CDCP1: variants seen among roughly 807,000 people sequenced by gnomAD.
CDCP1 encodes the protein CUB domain-containing protein 1.
Under a neutral mutation model 60.2 loss-of-function variants are expected in CDCP1, and 29 were observed. That is an observed-to-expected ratio of 0.48 (90% CI 0.36 to 0.66). The LOEUF is 0.66. CDCP1 is among the 30% of genes least tolerant of loss of function. The pLI, the probability that CDCP1 is intolerant of heterozygous loss-of-function variation, is 0.00. For missense variants in CDCP1, 876 were observed against 1,074.3 expected (o/e 0.82, Z 2.58); for synonymous variants, 387 against 431.1 (o/e 0.90, Z 1.27).
intron 1 of CDCP1, among the ~76,000 whole-genome samples, chr3:45,126,484 T>C (rs991994038): frequency 6.6e-6 from 1 of 152,060 alleles, no homozygotes; most frequent in African/African-American, 2.4e-5. Flanking sequence ...CCTAAAGGCA[T>C]AGAGAGACAA....
intron 4 of CDCP1, among the ~76,000 whole-genome samples, chr3:45,103,979 C>T (rs1432101424): frequency 6.6e-6 from 1 of 152,224 alleles, no homozygotes; most frequent in Non-Finnish European, 1.5e-5. Flanking sequence ...CCAGACAATT[C>T]TCCCAGGTGG....
intron 1 of CDCP1, among the ~76,000 whole-genome samples, chr3:45,119,671 TTC>T (rs1190874125): frequency 6.6e-6 from 1 of 152,258 alleles, no homozygotes; most frequent in African/African-American, 2.4e-5. Context: ...TTCCCATCTA[TTC>T]TTTTTTCCCT....
At chr3:45,126,114 C>CTTTCCTTCTTTCTTTA (rs1698981067) in intron 1 of CDCP1, among the ~76,000 whole-genome samples, 3 of 102,818 alleles carry the variant, frequency 2.9e-5, no homozygotes, top group Non-Finnish European at 5.7e-5. Context: ...CTCTCTCTTT[C>CTTTCCTTCTTTCTTTA]TTTCTTTCTT....
At chr3:45,140,130 G>T (rs552007200) in intron 1 of CDCP1, among the ~76,000 whole-genome samples, 3 of 152,338 alleles carry the variant, frequency 2.0e-5, no homozygotes, top group African/African-American at 7.2e-5. Flanking sequence ...ACATTGCCAA[G>T]AATTGAAGAA....
intron 1 of CDCP1, among the ~76,000 whole-genome samples, chr3:45,136,840 G>A (rs888080420): frequency 1.3e-5 from 2 of 152,260 alleles, no homozygotes; most frequent in East Asian, 1.9e-4. Context: ...GCAAAACTAC[G>A]GTGACAGAAG....
rs542898107 is a variant in CDCP1 at position 45,109,284 on chromosome 3, A to G, written c.1024+1189T>C. Among the ~76,000 whole-genome samples, 8 of 152,016 alleles carry G rather than the reference A, an allele frequency of 5.3e-5. No individual in the cohort carries two copies. In the South Asian group the frequency reaches 1.7e-3, roughly 32 times the overall value. On this transcript the variant is annotated intron_variant, in intron 4 of 8. Transcript: ENST00000296129. Reference sequence around the variant, plus strand: ...ATATCTATACACACATTATACATACATACATATGGACGTTTCCAGGGCAGC... The same window carrying G: ...ATATCTATACACACATTATACATACGTACATATGGACGTTTCCAGGGCAGC...
intron 2 of CDCP1, among the ~76,000 whole-genome samples, chr3:45,115,226 GGGGGT>G (rs1698763787): frequency 6.7e-6 from 1 of 149,374 alleles, no homozygotes; most frequent in Non-Finnish European, 1.5e-5. Flanking sequence ...AAAAAAAGGT[GGGGGT>G]GGGGTGGGGT....
At chr3:45,113,128 T>C (rs1698727489) in intron 2 of CDCP1, among the ~76,000 whole-genome samples, 1 of 152,192 alleles carries the variant, frequency 6.6e-6, no homozygotes, top group Admixed American at 6.5e-5. Flanking sequence ...ATTTCACAAT[T>C]TGTAGAGCAC....
intron 6 of CDCP1, among the ~76,000 whole-genome samples, 184 bp downstream of exon 6, chr3:45,093,093 C>T (rs1353401620): frequency 2.0e-5 from 3 of 152,324 alleles, no homozygotes; most frequent in African/African-American, 7.2e-5. Flanking sequence ...CAGGAATTTT[C>T]CATGCTAGGT....
intron 1 of CDCP1, among the ~76,000 whole-genome samples, chr3:45,125,270 G>A (rs1303105150): frequency 1.3e-5 from 2 of 152,194 alleles, no homozygotes; most frequent in African/African-American, 4.8e-5. Context: ...TGGAGAAGTG[G>A]GAAAGGGCTT....
chr3:45,085,533 C>G lies in CDCP1; in HGVS notation c.*105G>C. The G allele has an allele frequency of 8.2e-7, 1 of 1,213,782 alleles. No homozygotes were observed. 75.2% of individuals were successfully genotyped at this position (1,213,782 alleles called of 1,614,324 possible). On this transcript the variant is annotated 3_prime_UTR_variant, in exon 9 of 9. Transcript: ENST00000296129. The surrounding 1 kb of genome is among the most constrained non-coding windows in gnomAD (Gnocchi z 4.2). ...GTGTCCAGGAAAACCTCCTGCTGTT[C>G]CTTCTGTATAATTCCTCTTCTTTAG...
intron 4 of CDCP1, among the ~76,000 whole-genome samples, chr3:45,101,589 A>G (rs539545963): frequency 2.6e-5 from 4 of 152,306 alleles, no homozygotes; most frequent in Non-Finnish European, 4.4e-5. Context: ...GTAGAAGTGT[A>G]TTAAATGTGG....
At chr3:45,096,085 G>A (rs1219365550) in intron 4 of CDCP1, among the ~76,000 whole-genome samples, 2 of 152,254 alleles carry the variant, frequency 1.3e-5, no homozygotes, top group Non-Finnish European at 2.9e-5. Context: ...CTGAAAGCTG[G>A]AGAGGCTACA....
chr3:45,110,467 A>G lies in CDCP1; in HGVS notation c.1024+6T>C. The G allele has an allele frequency of 6.2e-7, 1 of 1,613,446 alleles. No homozygotes were observed. The highest frequency in any genetic ancestry group is 2.2e-5 in the East Asian group (1 of 44,874). Reference sequence around the variant, plus strand: ...AGGAAGAAAAAGGAAAGTGGGGCTCACTCACTGCTTTCATTTTGTGGATGT... The same window carrying G: ...AGGAAGAAAAAGGAAAGTGGGGCTCGCTCACTGCTTTCATTTTGTGGATGT... On this transcript the variant is annotated splice_donor_region_variant and intron_variant, in intron 4 of 8. Coordinates refer to ENST00000296129, the MANE Select transcript of CDCP1 (RefSeq NM_022842.5).
chr3:45,125,477 T>C (rs1366130341), intron 1 of CDCP1, among the ~76,000 whole-genome samples: 2 of 152,214 alleles, frequency 1.3e-5, no homozygotes, highest in African/African-American at 2.4e-5. Context: ...GCAAACAGGA[T>C]AATAATGAAA....
intron 1 of CDCP1, among the ~76,000 whole-genome samples, chr3:45,124,761 C>T (rs59145932): frequency 0.18 from 27,698 of 152,084 alleles, 2,823 homozygotes; most frequent in Middle Eastern, 0.24. Context: ...TTGCAAAATA[C>T]GTTTCATTAA....
intron 1 of CDCP1, among the ~76,000 whole-genome samples, chr3:45,143,912 G>A (rs537044680): frequency 5.9e-5 from 9 of 152,198 alleles, no homozygotes; most frequent in Admixed American, 2.6e-4. Context: ...CATTTGAATC[G>A]GAAACAGAAT....
chr3:45,088,824 A>G lies in CDCP1; in HGVS notation c.2081+230T>C, dbSNP rs571679040. On this transcript the variant is annotated intron_variant, in intron 8 of 8. Transcript: ENST00000296129. ...CTTGTGCTGAGGCAGCTGCACCATG[A>G]ACTACATACAGGTGAAAATGTCACG... Among the ~76,000 whole-genome samples, 15 of 152,214 alleles carry G rather than the reference A, an allele frequency of 9.9e-5. No individual in the cohort carries two copies. The South Asian group carries it at 3.1e-3, about 32-fold the overall frequency.
Position 45,110,752 on chromosome 3 carries a change from G to A in CDCP1, c.745C>T (p.Leu249Phe), listed in dbSNP as rs900051919. The change falls in exon 4 of 9, where the codon CTC (leucine) becomes TTC (phenylalanine). Residue 249 changes from leucine (L) to phenylalanine (F), a missense_variant. Leu to Phe is a conservative substitution (Grantham distance 22, BLOSUM62 0). Around this residue, in one of 2 missense-constraint regions of CDCP1, gnomAD observed 726 missense variants for 935.7 expected, o/e 0.78. Coordinates refer to ENST00000296129, the MANE Select transcript of CDCP1 (RefSeq NM_022842.5). ...GGAACGACAAACTGCCACGTCATGAGCTCATCCTCAGGGAAGCCTTCTGGG... is the reference window on the plus strand; with the variant it reads ...GGAACGACAAACTGCCACGTCATGAACTCATCCTCAGGGAAGCCTTCTGGG... Reference protein sequence around the residue: ...NYPEGFPEDELMTWQFVVPAH... With the variant: ...NYPEGFPEDEFMTWQFVVPAH... 2 of 1,614,088 alleles carry A rather than the reference G, an allele frequency of 1.2e-6. No homozygotes were observed. Among genetic ancestry groups the A allele is most frequent in the Non-Finnish European group, 1.7e-6 (2 of 1,180,054 alleles).
Sources: gnomAD v4.1 joint callset for allele counts (sites outside exome capture counted in the v4.1 genomes callset) on GRCh38, gnomAD v4.1.1 for gene constraint, gnomAD v4.1.1 regional missense constraint, Gnocchi (gnomAD v3.1) non-coding constraint, MANE v1.5 for transcripts, NCBI Gene and HGNC (gene_info 2026-07-23, HGNC 2026-07-21) for gene names.